Variants in ANO1 observed in about 807,000 individuals in gnomAD.
ANO1 encodes anoctamin-1.
In ANO1, 59 loss-of-function variants were observed where a neutral mutation model predicts 124.0. The ratio of observed to expected loss-of-function variants is 0.48; its 90% CI spans 0.39 to 0.59. The LOEUF is 0.59. ANO1 is among the 20% of genes least tolerant of loss of function. The probability of loss-of-function intolerance (pLI) is 0.00; values close to 1 mark genes in which losing one functional copy is unlikely to be tolerated. For synonymous variants in ANO1, 529 were observed against 532.0 expected, an observed-to-expected ratio of 0.99 and a Z score of 0.08; for missense variants, 1,059 against 1,328.0, an observed-to-expected ratio of 0.80 and a Z score of 3.15.
intron 1 of ANO1, among the ~76,000 whole-genome samples, chr11:70,085,037 CT>C (rs1258475584): frequency 6.6e-6 from 1 of 152,164 alleles, no homozygotes; most frequent in Non-Finnish European, 1.5e-5. Context: ...TTAGTCGCGG[CT>C]CCTACTAAGG....
At chr11:70,156,884 GAC>G in intron 15 of ANO1, 61 bp from the exon 16 acceptor site, 1 of 1,512,456 alleles carries the variant, frequency 6.6e-7, no homozygotes, top group Non-Finnish European at 9.1e-7. Flanking sequence ...CACCCACGCT[GAC>G]ACACAGAGAT....
chr11:70,088,526 A>AAGAAG (rs1555014770), intron 2 of ANO1, among the ~76,000 whole-genome samples: 90 of 93,386 alleles, frequency 9.6e-4, no homozygotes, highest in Non-Finnish European at 1.1e-3. Flanking sequence ...AAAAAAAAAA[A>AAGAAG]AAGAAGAAGA....
At chr11:70,104,643 C>T (rs1479528009) in intron 4 of ANO1, among the ~76,000 whole-genome samples, 8 of 152,218 alleles carry the variant, frequency 5.3e-5, no homozygotes, top group Non-Finnish European at 1.2e-4. Context: ...AAACTTCCCT[C>T]CTCCCGAGGG....
chr11:69,995,845 G>A (rs536799585), intron 1 of ANO1, among the ~76,000 whole-genome samples: 18 of 152,152 alleles, frequency 1.2e-4, no homozygotes, highest in Admixed American at 8.5e-4. Flanking sequence ...AGTGGCTCAC[G>A]TCTGTAATCC....
upstream of ANO1, among the ~76,000 whole-genome samples, chr11:69,983,680 C>G (rs1855977488): frequency 1.3e-5 from 2 of 152,248 alleles, no homozygotes; most frequent in African/African-American, 4.8e-5. Context: ...ACCAAAATAG[C>G]AGCCGAGAGC....
intron 1 of ANO1, among the ~76,000 whole-genome samples, chr11:70,019,023 C>T (rs1337740546): frequency 6.6e-6 from 1 of 152,232 alleles, no homozygotes; most frequent in Non-Finnish European, 1.5e-5. Flanking sequence ...TGGCATTGTG[C>T]AGCCATGTGG....
At chr11:70,033,908 T>G (rs782259253) in intron 1 of ANO1, among the ~76,000 whole-genome samples, 7 of 152,132 alleles carry the variant, frequency 4.6e-5, no homozygotes, top group Non-Finnish European at 8.8e-5. Flanking sequence ...CTGCTGTCAC[T>G]ATCTTGACCA....
intron 12 of ANO1, 30 bp downstream of exon 12, chr11:70,149,822 G>C: frequency 6.2e-7 from 1 of 1,608,204 alleles, no homozygotes; most frequent in East Asian, 2.2e-5. Flanking sequence ...TGCATATCAC[G>C]CCCTTCCCCC....
At chr11:69,971,330 A>T in the ANO1 span, among the ~76,000 whole-genome samples, 5 of 152,094 alleles carry the variant, frequency 3.3e-5, no homozygotes, top group African/African-American at 1.2e-4. Context: ...AGCTTTCTAG[A>T]TTTGAAGCTC....
chr11:70,171,091 G>T, intron 22 of ANO1, 52 bp downstream of exon 22: 1 of 1,579,104 alleles, frequency 6.3e-7, no homozygotes, highest in South Asian at 1.2e-5. Flanking sequence ...TGCTGGGTTT[G>T]GGGAGGGGGT....
chr11:70,030,110 G>T (rs1219672124), intron 1 of ANO1, among the ~76,000 whole-genome samples: 2 of 152,176 alleles, frequency 1.3e-5, no homozygotes, highest in Admixed American at 1.3e-4. Context: ...ACCAAGTCCT[G>T]CTTGTGGGAG....
In ANO1 at chr11:70,086,371, A is replaced by G. The variant is rs150374317; in HGVS notation, c.109-1381A>G. Among the ~76,000 whole-genome samples, 1,375 of 152,276 alleles carry G rather than the reference A, an allele frequency of 9.0e-3. 16 individuals carry two copies. Among genetic ancestry groups the G allele is most frequent in the African/African-American group, 0.031 (1,292 of 41,564 alleles). Reference sequence around the variant, plus strand: ...GTCCCATCACACTGCCACTGTGGGAATATCTGGTTTTTAAACAAACTGCTC... The same window carrying G: ...GTCCCATCACACTGCCACTGTGGGAGTATCTGGTTTTTAAACAAACTGCTC... On this transcript the variant is annotated intron_variant, in intron 1 of 25. Transcript: ENST00000355303.
At chr11:70,179,155 C>T (rs1156828508) in intron 22 of ANO1, among the ~76,000 whole-genome samples, 2 of 152,212 alleles carry the variant, frequency 1.3e-5, no homozygotes, top group African/African-American at 2.4e-5. Flanking sequence ...CCATCCTGGC[C>T]GTTTCTGACG....
intron 20 of ANO1, among the ~76,000 whole-genome samples, chr11:70,166,432 G>C (rs553795746): frequency 6.6e-6 from 1 of 152,218 alleles, no homozygotes; most frequent in African/African-American, 2.4e-5. Context: ...GAGGATGGGG[G>C]GGTACCACCA....
chr11:70,153,911 G>A (rs2047703011), intron 14 of ANO1, among the ~76,000 whole-genome samples: 2 of 151,970 alleles, frequency 1.3e-5, no homozygotes, highest in South Asian at 4.2e-4. Flanking sequence ...GACTACAGGC[G>A]CGTACCACCG....
chr11:70,126,297 T>G, intron 10 of ANO1, 102 bp downstream of exon 10: 2 of 1,400,442 alleles, frequency 1.4e-6, no homozygotes. Context: ...TCACACCAAT[T>G]CCTGTACACA....
At chr11:69,990,107 T>C (rs1856124665) in intron 1 of ANO1, among the ~76,000 whole-genome samples, 1 of 152,206 alleles carries the variant, frequency 6.6e-6, no homozygotes, top group Admixed American at 6.5e-5. Context: ...TCACCCCAAG[T>C]AGGAATTCTG....
chr11:70,174,945 G>GAAAAGAAAAT (rs1206102540), intron 22 of ANO1, among the ~76,000 whole-genome samples: 3 of 151,498 alleles, frequency 2.0e-5, no homozygotes, highest in Admixed American at 6.6e-5. Flanking sequence ...GAAAAGAAAA[G>GAAAAGAAAAT]AAGAGTGCAG....
At chr11:70,177,552 A>T (rs946198427) in intron 22 of ANO1, among the ~76,000 whole-genome samples, 3 of 147,952 alleles carry the variant, frequency 2.0e-5, no homozygotes, top group Non-Finnish European at 3.0e-5. Context: ...GCCAGCCAGG[A>T]CCAGAGCCGA....
Sources: gnomAD v4.1 joint callset for allele counts (sites outside exome capture counted in the v4.1 genomes callset) on GRCh38, gnomAD v4.1.1 for gene constraint, MANE v1.5 for transcripts, NCBI Gene and HGNC (gene_info 2026-07-23, HGNC 2026-07-21) for gene names.